The following ACSS3 variants were observed in gnomAD, a reference collection of about 807,000 sequenced individuals.
ACSS3 encodes the protein acyl-CoA synthetase short-chain family member 3, mitochondrial.
Under a neutral mutation model 84.2 loss-of-function variants are expected in ACSS3, and 64 were observed. The ratio of observed to expected loss-of-function variants is 0.76; its 90% confidence interval spans 0.62 to 0.94. ACSS3 has a LOEUF of 0.94. Among genes scored for constraint, ACSS3 ranks in the 40% least tolerant of loss-of-function variants. ACSS3 has a pLI of 0.00. For synonymous variants in ACSS3, 317 were observed against 310.1 expected (o/e 1.02, Z -0.23); for missense variants, 815 against 867.6 (o/e 0.94, Z 0.76).
intron 7 of ACSS3, among the ~76,000 whole-genome samples, chr12:81,172,562 G>A (rs554604057): frequency 6.6e-6 from 1 of 152,012 alleles, no homozygotes; most frequent in Non-Finnish European, 1.5e-5. Context: ...CTTCAACCCA[G>A]GAGGTCGAGG....
At chr12:81,110,978 G>A (rs1316457292) in intron 2 of ACSS3, among the ~76,000 whole-genome samples, 1 of 152,074 alleles carries the variant, frequency 6.6e-6, no homozygotes, top group African/African-American at 2.4e-5. Flanking sequence ...ATTTTGCCTT[G>A]TAAGAAATTT....
At chr12:81,253,212 T>G in intron 13 of ACSS3, 95 bp from the exon 14 acceptor site, 2 of 1,279,940 alleles carry the variant, frequency 1.6e-6, no homozygotes, top group South Asian at 1.3e-5. Context: ...AAATTATATG[T>G]GTTTGTATAT....
At position 81,231,156 on chromosome 12, in the gene ACSS3, C is replaced by CT. The variant is rs971435438; in HGVS notation, c.1596+24dup. The CT allele has an allele frequency of 2.6e-6, 4 of 1,542,812 alleles. No homozygotes were observed. Among genetic ancestry groups the CT allele is most frequent in the African/African-American group, 2.7e-5 (2 of 72,732 alleles). ...AATTTCCTGTAAGAACTTTAATATG[C>CT]TTTTTTATCTTCTTATGTACTTTTC... On this transcript the variant is annotated intron_variant, in intron 12 of 15. Transcript: ENST00000548058.
intron 1 of ACSS3, among the ~76,000 whole-genome samples, chr12:81,100,092 G>A (rs1254306164): frequency 2.0e-5 from 3 of 152,192 alleles, no homozygotes; most frequent in East Asian, 1.9e-4. Flanking sequence ...GTAGGCTAAG[G>A]TGAAGAAGAG....
intron 8 of ACSS3, among the ~76,000 whole-genome samples, chr12:81,187,164 C>A (rs1049342844): frequency 4.7e-5 from 7 of 150,042 alleles, no homozygotes; most frequent in East Asian, 1.9e-4. Flanking sequence ...AAAAAAAAAT[C>A]AAAAATACAG....
intron 1 of ACSS3, among the ~76,000 whole-genome samples, chr12:81,081,110 T>A (rs1880944805): frequency 6.6e-6 from 1 of 152,220 alleles, no homozygotes; most frequent in South Asian, 2.1e-4. Flanking sequence ...CTGTTTGTTG[T>A]TCACAAAAGT....
chr12:81,254,203 T>TA (rs1565747245), intron 15 of ACSS3, among the ~76,000 whole-genome samples: 1 of 152,164 alleles, frequency 6.6e-6, no homozygotes, highest in Non-Finnish European at 1.5e-5. Flanking sequence ...GTGCTGGGAT[T>TA]ACACGCCTGA....
chr12:81,173,266 G>A (rs1374742757), intron 7 of ACSS3, among the ~76,000 whole-genome samples: 1 of 152,174 alleles, frequency 6.6e-6, no homozygotes, highest in Non-Finnish European at 1.5e-5. Context: ...TTGCCAGGCT[G>A]TATTTTGCAG....
At chr12:81,164,788 A>G (rs1482169310) in intron 7 of ACSS3, among the ~76,000 whole-genome samples, 1 of 152,144 alleles carries the variant, frequency 6.6e-6, no homozygotes, top group African/African-American at 2.4e-5. Context: ...TTGTATTTTT[A>G]TTTATATTAA....
chr12:81,152,346 C>G (rs1409274551), intron 7 of ACSS3, among the ~76,000 whole-genome samples: 1 of 90,190 alleles, frequency 1.1e-5, no homozygotes, highest in Non-Finnish European at 2.9e-5. Flanking sequence ...ATATCTATCC[C>G]TAACATTTCT....
chr12:81,183,739 A>G (rs1293170800), intron 8 of ACSS3, among the ~76,000 whole-genome samples: 1 of 152,126 alleles, frequency 6.6e-6, no homozygotes, highest in African/African-American at 2.4e-5. Flanking sequence ...ATTCATTAAG[A>G]TAACTCAACC....
chr12:81,242,745 C>G (rs1180333211), intron 13 of ACSS3, among the ~76,000 whole-genome samples: 1 of 138,582 alleles, frequency 7.2e-6, no homozygotes, highest in Non-Finnish European at 1.6e-5. Context: ...TAAACAGAAC[C>G]AAAGACAAAA....
chr12:81,120,819 C>G (rs2121534963), intron 2 of ACSS3, among the ~76,000 whole-genome samples: 1 of 152,238 alleles, frequency 6.6e-6, no homozygotes, highest in East Asian at 1.9e-4. Context: ...TGTTCATTTT[C>G]TCATGCCAAC....
At chr12:81,095,135 C>T (rs746988303) in intron 1 of ACSS3, among the ~76,000 whole-genome samples, 7 of 152,118 alleles carry the variant, frequency 4.6e-5, no homozygotes, top group Admixed American at 1.3e-4. Context: ...CACTTGTGGC[C>T]CTGGGGGCAT....
At chr12:81,171,867 A>G (rs556400433) in intron 7 of ACSS3, among the ~76,000 whole-genome samples, 1 of 152,202 alleles carries the variant, frequency 6.6e-6, no homozygotes, top group South Asian at 2.1e-4. Context: ...GCTACATGGT[A>G]TAGTCTATTG....
chr12:81,213,593 TCCCCTCCCCTC>T (rs2032695592), intron 9 of ACSS3, among the ~76,000 whole-genome samples: 1 of 6,660 alleles, frequency 1.5e-4, no homozygotes, highest in Non-Finnish European at 2.9e-4. Flanking sequence ...TCCCCTCCCC[TCCCCTCCCCTC>T]CCCTCCCCTC....
At chr12:81,121,697 T>A (rs889275715) in intron 2 of ACSS3, among the ~76,000 whole-genome samples, 1 of 152,142 alleles carries the variant, frequency 6.6e-6, no homozygotes, top group East Asian at 1.9e-4. Flanking sequence ...AATGACTGAT[T>A]GTAAAGTGTG....
At chr12:81,179,296 G>GAAAAAAAAAAAAAAAAAAAAAAAAAAAA (rs1269398997) in intron 8 of ACSS3, among the ~76,000 whole-genome samples, 1 of 115,944 alleles carries the variant, frequency 8.6e-6, no homozygotes, top group African/African-American at 3.4e-5. Flanking sequence ...AAAAGAAAAA[G>GAAAAAAAAAAAAAAAAAAAAAAAAAAAA]AAAAAAAAAA....
intron 8 of ACSS3, among the ~76,000 whole-genome samples, chr12:81,198,606 C>A (rs1193789211): frequency 1.3e-5 from 2 of 149,596 alleles, no homozygotes; most frequent in East Asian, 2.0e-4. Context: ...AAAAAAAAAA[C>A]CCATAAACAC....
Sources: allele counts gnomAD v4.1 joint callset (sites outside exome capture counted in the v4.1 genomes callset), GRCh38; gene constraint gnomAD v4.1.1; transcripts MANE v1.5; gene names NCBI Gene and HGNC (gene_info 2026-07-23, HGNC 2026-07-21).